Variants in TNFAIP2 observed in about 807,000 individuals in gnomAD.
TNFAIP2 encodes tumor necrosis factor alpha-induced protein 2.
TNFAIP2 carries 47 observed loss-of-function variants against 63.5 expected under a neutral mutation model. That is an observed-to-expected ratio of 0.74 (90% CI 0.59 to 0.94). The LOEUF (loss-of-function observed/expected upper bound fraction) is 0.94, where lower values mean the gene tolerates loss of function less well. Among genes scored for constraint, TNFAIP2 ranks in the 40% least tolerant of loss-of-function variants. The pLI is 0.00. For missense variants in TNFAIP2, 787 were observed against 850.2 expected (o/e 0.93, Z 0.92); for synonymous variants, 405 against 390.2 (o/e 1.04, Z -0.45).
chr14:103,135,818 G>A lies in TNFAIP2; in HGVS notation c.*458G>A, dbSNP rs1184970495. 5.2e-5 allele frequency: 67 copies of A among 1,293,284 alleles called. No homozygotes were observed. The highest frequency in any genetic ancestry group is 1.8e-4 in the African/African-American group (12 of 66,034). The allele number at this position is 1,293,284 out of a possible 1,614,324, so 80.1% of individuals were successfully genotyped here. On this transcript the variant is annotated 3_prime_UTR_variant, in exon 12 of 12. Coordinates refer to ENST00000560869, the MANE Select transcript of TNFAIP2 (RefSeq NM_006291.4). The surrounding 1 kb of genome is among the most constrained non-coding windows in gnomAD (Gnocchi z 7.6). ...CATCTGCCCTCTGCAGCCCAGGGCC[G>A]CCGTGAGCGGGATTCAGCAATGGTG... is the stretch of plus-strand genomic sequence containing the variant.
intron 3 of TNFAIP2, among the ~76,000 whole-genome samples, chr14:103,128,675 C>T (rs2087910692): frequency 6.6e-6 from 1 of 152,000 alleles, no homozygotes; most frequent in Non-Finnish European, 1.5e-5. Context: ...GAGAAAGGGT[C>T]CAGTGGAGAG....
chr14:103,129,191 G>A (rs1253824055), intron 3 of TNFAIP2, among the ~76,000 whole-genome samples: 2 of 152,234 alleles, frequency 1.3e-5, no homozygotes, highest in Non-Finnish European at 1.5e-5. Flanking sequence ...GGAGGTGGCC[G>A]GGGCTGGTGA....
chr14:103,131,041 G>A lies in TNFAIP2; in HGVS notation c.1200-11G>A. 6.2e-7 allele frequency: 1 copy of A among 1,614,016 alleles called. No homozygotes were observed. The highest frequency in any genetic ancestry group is 8.5e-7 in the Non-Finnish European group (1 of 1,179,974). On this transcript the variant is annotated splice_polypyrimidine_tract_variant and intron_variant, in intron 6 of 11. Coordinates refer to ENST00000560869, the MANE Select transcript of TNFAIP2 (RefSeq NM_006291.4). The surrounding 1 kb of genome is among the most constrained non-coding windows in gnomAD (Gnocchi z 4.0). Reference sequence around the variant, plus strand: ...GGCTGGTCCTGAATGTGCCCCTTCTGGTTTCGCCAGCTACCAGCGCGCCTT... The same window carrying A: ...GGCTGGTCCTGAATGTGCCCCTTCTAGTTTCGCCAGCTACCAGCGCGCCTT...
At chr14:103,130,737 A>G (rs918615976) in intron 6 of TNFAIP2, among the ~76,000 whole-genome samples, 4 of 152,048 alleles carry the variant, frequency 2.6e-5, no homozygotes, top group African/African-American at 9.7e-5. Flanking sequence ...AGTCTCCACC[A>G]CCTGAATTCT....
chr14:103,135,448 G>C lies in TNFAIP2; in HGVS notation c.*88G>C. On this transcript the variant is annotated 3_prime_UTR_variant, in exon 12 of 12. Coordinates refer to ENST00000560869, the MANE Select transcript of TNFAIP2 (RefSeq NM_006291.4). This position sits in a 1 kb window ranked among gnomAD's most constrained non-coding sequence, Gnocchi z 7.6. Reference sequence around the variant, plus strand: ...GCTGTTAAGAGCAGCGCTGGTTCTCGGTTCCTCCCGGGTCTCCTGTGCTCT... The same window carrying C: ...GCTGTTAAGAGCAGCGCTGGTTCTCCGTTCCTCCCGGGTCTCCTGTGCTCT... 1.3e-6 allele frequency: 2 copies of C among 1,515,012 alleles called. No individual in the cohort carries two copies. Among genetic ancestry groups the C allele is most frequent in the Non-Finnish European group, 1.8e-6 (2 of 1,139,528 alleles). The allele number at this position is 1,515,012 out of a possible 1,614,324, so 93.8% of individuals were successfully genotyped here.
In TNFAIP2 at chr14:103,123,773, A is replaced by C. The variant is rs1353683999; in HGVS notation, c.-327A>C. The C allele has an allele frequency of 6.6e-6, 1 of 152,202 alleles. No homozygotes were observed. Among genetic ancestry groups the C allele is most frequent in the Non-Finnish European group, 1.5e-5 (1 of 68,076 alleles). 9.4% of individuals were successfully genotyped at this position (152,202 alleles called of 1,614,324 possible). On this transcript the variant is annotated 5_prime_UTR_variant, in exon 1 of 12. Coordinates refer to ENST00000560869, the MANE Select transcript of TNFAIP2 (RefSeq NM_006291.4). ...CCCTCCATTACAGCAGAAAGGCCCC[A>C]GGTCCGGCGTGACTCCCCGGCCGGG...
upstream of TNFAIP2, chr14:103,123,312 C>T (rs1278637858): frequency 3.3e-5 from 5 of 152,894 alleles, no homozygotes; most frequent in Non-Finnish European, 5.9e-5. Flanking sequence ...GCGCCCAGCC[C>T]CTGGGACGCA....
intron 9 of TNFAIP2, 141 bp downstream of exon 9, chr14:103,133,013 C>T (rs2088011807): frequency 7.2e-7 from 1 of 1,384,960 alleles, no homozygotes; most frequent in East Asian, 2.4e-5. Context: ...AGCATGTGAA[C>T]ACGTGCACAT....
At position 103,131,620 on chromosome 14, in the gene TNFAIP2, C is replaced by G. The variant is rs1159146075; in HGVS notation, c.1299-19C>G. 1 of 1,579,954 alleles carries G rather than the reference C, an allele frequency of 6.3e-7. No individual in the cohort carries two copies. Among genetic ancestry groups the G allele is most frequent in the Non-Finnish European group, 8.6e-7 (1 of 1,169,314 alleles). ...AGGCTGAGCAGGGCTGGGGTGACCT[C>G]TCTGCCTCCACCTTCCAGGATGTCC... On this transcript the variant is annotated intron_variant, in intron 7 of 11. Transcript: ENST00000560869. This position sits in a 1 kb window ranked among gnomAD's most constrained non-coding sequence, Gnocchi z 4.0.
intron 3 of TNFAIP2, among the ~76,000 whole-genome samples, chr14:103,128,321 C>T (rs764444176): frequency 7.2e-5 from 11 of 152,286 alleles, no homozygotes; most frequent in Non-Finnish European, 1.2e-4. Context: ...CCTGTGAGCC[C>T]GCCGCAGAGC....
intron 11 of TNFAIP2, among the ~76,000 whole-genome samples, chr14:103,134,134 TG>T (rs1266698628): frequency 6.6e-6 from 1 of 152,200 alleles, no homozygotes; most frequent in African/African-American, 2.4e-5. Flanking sequence ...TCACCCAGCC[TG>T]GGGGGCCTCT....
chr14:103,132,016 GGGGCT>G (rs2087987130), intron 8 of TNFAIP2, among the ~76,000 whole-genome samples: 1 of 10,746 alleles, frequency 9.3e-5, no homozygotes, highest in African/African-American at 6.3e-4. Context: ...GGGGCCGCCT[GGGGCT>G]GGGAGGGGCC....
chr14:103,130,256 G>C, intron 5 of TNFAIP2, 59 bp from the exon 6 acceptor site: 2 of 1,525,150 alleles, frequency 1.3e-6, no homozygotes, highest in Non-Finnish European at 8.8e-7. Context: ...TTTCCTCCCC[G>C]TCCCCTGCCC....
intron 11 of TNFAIP2, 150 bp downstream of exon 11, chr14:103,133,953 C>T: frequency 9.7e-7 from 1 of 1,031,198 alleles, no homozygotes; most frequent in Non-Finnish European, 1.4e-6. Context: ...GCCTTCACCA[C>T]AGCACTACGA....
In TNFAIP2 at chr14:103,130,128, C is replaced by T. The variant is rs8176361; in HGVS notation, c.1098+4C>T. The T allele has an allele frequency of 9.2e-3, 14,877 of 1,611,988 alleles. 102 individuals are homozygous for T. The highest frequency in any genetic ancestry group is 0.01 in the Non-Finnish European group (11,848 of 1,178,972). ...GCTGGCCATCGACATCATCCAGGTACTGCAATCTGCCCCAGGGCACACGTA... is the reference window on the plus strand; with the variant it reads ...GCTGGCCATCGACATCATCCAGGTATTGCAATCTGCCCCAGGGCACACGTA... On this transcript the variant is annotated splice_donor_region_variant and intron_variant, in intron 5 of 11. Coordinates refer to ENST00000560869, the MANE Select transcript of TNFAIP2 (RefSeq NM_006291.4).
chr14:103,130,319 C>T lies in TNFAIP2; in HGVS notation c.1103C>T (p.Thr368Ile). 1 of 1,558,258 alleles carries T rather than the reference C, an allele frequency of 6.4e-7. No homozygotes were observed. Among genetic ancestry groups the T allele is most frequent in the Non-Finnish European group, 8.7e-7 (1 of 1,150,804 alleles). The stretch of plus-strand genomic sequence containing the variant: ...TCACCCACCACCACCCTGCAGATCA[C>T]CTCCCAGGCCCAGGCCAAGGCCGAG... ...SELAIDIIQI[T>I]SQAQAKAESI... The change falls in exon 6 of 12, where the codon ACC becomes ATC. Residue 368 changes from threonine to isoleucine, a missense_variant. Coordinates refer to ENST00000560869, the MANE Select transcript of TNFAIP2 (RefSeq NM_006291.4).
intron 3 of TNFAIP2, among the ~76,000 whole-genome samples, chr14:103,128,403 A>C (rs1481990738): frequency 1.3e-5 from 2 of 151,962 alleles, no homozygotes; most frequent in Non-Finnish European, 2.9e-5. Context: ...GCGTCCCTTG[A>C]CTCCATAGAT....
Position 103,132,783 on chromosome 14 carries a change from G to A in TNFAIP2, c.1456G>A (p.Ala486Thr). 1 of 1,613,892 alleles carries A rather than the reference G, an allele frequency of 6.2e-7. No homozygotes were observed. Among genetic ancestry groups the A allele is most frequent in the Non-Finnish European group, 8.5e-7 (1 of 1,179,914 alleles). The change falls in exon 9 of 12, where the codon GCG (alanine) becomes ACG (threonine). Residue 486 changes from alanine (A) to threonine (T), a missense_variant. Ala to Thr is a moderately conservative substitution (Grantham distance 58). Coordinates refer to ENST00000560869, the MANE Select transcript of TNFAIP2 (RefSeq NM_006291.4). ...LFKRFTHTRWAAPVETLENII... is the reference protein window; with the variant it reads ...LFKRFTHTRWTAPVETLENII... ...CAAGAGGTTCACGCACACCCGCTGG[G>A]CGGCCCCTGTGGAGACCCTGGAAAA... is the stretch of plus-strand genomic sequence containing the variant.
At position 103,136,351 on chromosome 14, in the gene TNFAIP2, C is replaced by A; in HGVS notation, c.*991C>A. ...TCAAATCTGGGTGTCGGCAGTCCTG[C>A]ACTCCTTCTGGAGGCTCTAGGGGAG... On this transcript the variant is annotated 3_prime_UTR_variant, in exon 12 of 12. Transcript: ENST00000560869. 5.7e-6 allele frequency: 1 copy of A among 174,710 alleles called. No individual in the cohort carries two copies. The highest frequency in any genetic ancestry group is 1.1e-4 in the South Asian group (1 of 8,726). The allele number at this position is 174,710 out of a possible 1,614,324, so 10.8% of individuals were successfully genotyped here. A position where few individuals can be genotyped will look rare whatever the true frequency, so the allele number is the denominator to read the frequency against.
Sources: gnomAD v4.1 joint callset for allele counts (sites outside exome capture counted in the v4.1 genomes callset) on GRCh38, gnomAD v4.1.1 for gene constraint, Gnocchi (gnomAD v3.1) non-coding constraint, MANE v1.5 for transcripts, NCBI Gene and HGNC (gene_info 2026-07-23, HGNC 2026-07-21) for gene names.